Variants in PDE11A observed in about 807,000 individuals in gnomAD.
PDE11A encodes phosphodiesterase 11A.
In PDE11A, 100 loss-of-function variants were observed where a neutral mutation model predicts 100.5. The observed-to-expected ratio is 1.00, with a 90% confidence interval of 0.85 to 1.18. The LOEUF is 1.18. PDE11A is among the 50% of genes most tolerant of loss of function. The pLI is 0.00. For missense variants in PDE11A, 1,141 were observed against 1,152.6 expected (o/e 0.99, Z 0.15); for synonymous variants, 381 against 420.8 (o/e 0.91, Z 1.16).
At chr2:178,055,149 A>G (rs1251174632) in intron 1 of PDE11A, among the ~76,000 whole-genome samples, 1 of 152,186 alleles carries the variant, frequency 6.6e-6, no homozygotes, top group Non-Finnish European at 1.5e-5. Flanking sequence ...CATATACACC[A>G]TGGAATACTA....
chr2:177,994,623 T>C (rs1340648205), intron 2 of PDE11A, among the ~76,000 whole-genome samples: 1 of 152,222 alleles, frequency 6.6e-6, no homozygotes. Flanking sequence ...ACGATGTGCA[T>C]TGCTGAGGGA....
chr2:177,834,142 T>C (rs756901103), intron 6 of PDE11A, among the ~76,000 whole-genome samples: 1 of 152,174 alleles, frequency 6.6e-6, no homozygotes, highest in Non-Finnish European at 1.5e-5. Context: ...CTTCAATGTG[T>C]CTGCCTGCCT....
intron 1 of PDE11A, among the ~76,000 whole-genome samples, chr2:178,052,071 C>T (rs2086835688): frequency 6.6e-6 from 1 of 152,154 alleles, no homozygotes; most frequent in Non-Finnish European, 1.5e-5. Context: ...TTCTTTTCAG[C>T]ACCACACCAC....
At chr2:178,102,076 G>C (rs1429965665) in intron 2 of PDE11A, among the ~76,000 whole-genome samples, 1 of 151,786 alleles carries the variant, frequency 6.6e-6, no homozygotes, top group Non-Finnish European at 1.5e-5. Flanking sequence ...GCATCCTCCT[G>C]CATCAGCCTC....
intron 5 of PDE11A, among the ~76,000 whole-genome samples, chr2:177,858,409 A>G (rs1220037398): frequency 1.3e-5 from 2 of 152,088 alleles, no homozygotes. Flanking sequence ...AAGAAAAAAA[A>G]AAAACCACAT....
intron 9 of PDE11A, among the ~76,000 whole-genome samples, chr2:177,811,547 G>A (rs764313795): frequency 4.7e-4 from 30 of 64,470 alleles, no homozygotes; most frequent in African/African-American, 8.2e-4. Flanking sequence ...GGCTAGAACA[G>A]TAGAAAATGT....
intron 9 of PDE11A, among the ~76,000 whole-genome samples, chr2:177,796,307 A>T (rs2082707767): frequency 6.6e-6 from 1 of 151,968 alleles, no homozygotes; most frequent in Non-Finnish European, 1.5e-5. Flanking sequence ...TGTCATTCAG[A>T]TTATATTCCA....
At chr2:178,023,709 A>T (rs1012101476) in intron 1 of PDE11A, among the ~76,000 whole-genome samples, 1 of 152,240 alleles carries the variant, frequency 6.6e-6, no homozygotes, top group African/African-American at 2.4e-5. Flanking sequence ...GAACATACTT[A>T]TGAGGAAATA....
At chr2:177,715,522 G>A (rs1222329671) in intron 12 of PDE11A, among the ~76,000 whole-genome samples, 1 of 148,954 alleles carries the variant, frequency 6.7e-6, no homozygotes, top group Admixed American at 6.7e-5. Context: ...TGCCCTATTT[G>A]AATGAAACTC....
At chr2:177,992,313 A>T (rs1000724815) in intron 2 of PDE11A, among the ~76,000 whole-genome samples, 3 of 151,494 alleles carry the variant, frequency 2.0e-5, no homozygotes, top group African/African-American at 7.3e-5. Context: ...TACAGTGGAA[A>T]ATAAAAATTG....
intron 4 of PDE11A, among the ~76,000 whole-genome samples, chr2:177,892,722 A>G (rs2105720627): frequency 6.6e-6 from 1 of 152,340 alleles, no homozygotes; most frequent in South Asian, 2.1e-4. Context: ...TTCTGAGATA[A>G]GAAGGCCTTG....
At chr2:177,712,020 A>C in intron 12 of PDE11A, 142 bp from the exon 13 acceptor site, 1 of 639,014 alleles carries the variant, frequency 1.6e-6, no homozygotes, top group Non-Finnish European at 2.9e-6. Flanking sequence ...AGACAACAGT[A>C]AGTTGGGTGG....
At chr2:177,999,126 TAAATTTAGAGTCAACCACTGA>T (rs1460515797) in intron 2 of PDE11A, among the ~76,000 whole-genome samples, 1 of 152,226 alleles carries the variant, frequency 6.6e-6, no homozygotes, top group African/African-American at 2.4e-5. Context: ...GACTTAAAAA[TAAATTTAGAGTCAACCACTGA>T]AAAGAAGCAA....
At chr2:177,872,530 A>T (rs2084154157) in intron 5 of PDE11A, among the ~76,000 whole-genome samples, 3 of 152,210 alleles carry the variant, frequency 2.0e-5, no homozygotes, top group African/African-American at 7.2e-5. Context: ...TTATTTAAAA[A>T]TGGCTTCAAG....
intron 2 of PDE11A, among the ~76,000 whole-genome samples, chr2:177,936,199 C>A (rs900672681): frequency 6.6e-6 from 1 of 152,194 alleles, no homozygotes; most frequent in Non-Finnish European, 1.5e-5. Context: ...AGTATCGAAC[C>A]ATAATAAAGA....
At chr2:177,780,697 T>C (rs927031943) in intron 9 of PDE11A, among the ~76,000 whole-genome samples, 7 of 152,244 alleles carry the variant, frequency 4.6e-5, no homozygotes. Context: ...CACTTTTATG[T>C]TTTGGAGATG....
In PDE11A at chr2:177,769,357, G is replaced by T; in HGVS notation, c.1754C>A (p.Ala585Glu). 1 of 1,593,924 alleles carries T rather than the reference G, an allele frequency of 6.3e-7. No homozygotes were observed. Among genetic ancestry groups the T allele is most frequent in the Non-Finnish European group, 8.6e-7 (1 of 1,161,756 alleles). ...SVALDVLSYHATCSKAEVDKF... is the reference protein window; with the variant it reads ...SVALDVLSYHETCSKAEVDKF... ...GTCAACTTCAGCTTTTGAACATGTT[G>T]CATGGTATGATAGCACCTGATTCAG... Residue 585 changes from alanine to glutamate, a missense_variant, in exon 10 of 20, where the codon GCA becomes GAA. Ala to Glu is a moderately radical substitution (Grantham distance 107). Transcript: ENST00000286063.
intron 9 of PDE11A, among the ~76,000 whole-genome samples, chr2:177,776,186 A>G (rs2082374906): frequency 6.6e-6 from 1 of 152,196 alleles, no homozygotes; most frequent in Non-Finnish European, 1.5e-5. Flanking sequence ...GCAAATAAAA[A>G]TAGAGGACAC....
chr2:178,105,638 G>T, intron 1 of PDE11A: 1 of 510,836 alleles, frequency 2.0e-6, no homozygotes, highest in South Asian at 6.0e-5. Flanking sequence ...GTACTTTATC[G>T]ATGTCTCAGG....
Sources: allele counts gnomAD v4.1 joint callset (sites outside exome capture counted in the v4.1 genomes callset), GRCh38; gene constraint gnomAD v4.1.1; transcripts MANE v1.5; gene names NCBI Gene and HGNC (gene_info 2026-07-23, HGNC 2026-07-21).